RNF144A: variants seen among roughly 807,000 people sequenced by gnomAD.
The protein encoded by RNF144A is ring finger protein 144A, also known as E3 ubiquitin-protein ligase RNF144A.
A neutral mutation model predicts 38.7 loss-of-function variants in RNF144A; 11 were observed. The ratio of observed to expected loss-of-function variants is 0.28; its 90% confidence interval spans 0.18 to 0.47. The LOEUF (loss-of-function observed/expected upper bound fraction) is 0.47, where lower values mean the gene tolerates loss of function less well. Ranked by LOEUF, RNF144A falls within the 20% of genes least tolerant of loss-of-function variation. The pLI is 0.99. For synonymous variants in RNF144A, 149 were observed against 143.9 expected (o/e 1.04, Z -0.25); for missense variants, 316 against 377.2 (o/e 0.84, Z 1.34).
At chr2:6,980,104 C>A (rs1016465388) in intron 2 of RNF144A, among the ~76,000 whole-genome samples, 2 of 152,178 alleles carry the variant, frequency 1.3e-5, no homozygotes, top group Non-Finnish European at 2.9e-5. Context: ...GATCCAGTCA[C>A]CTCCTACTGG....
intron 3 of RNF144A, among the ~76,000 whole-genome samples, chr2:7,011,298 A>G (rs1249166833): frequency 6.6e-6 from 1 of 152,206 alleles, no homozygotes; most frequent in East Asian, 1.9e-4. Flanking sequence ...TCACTTACTA[A>G]CAATCCCTGA....
chr2:6,925,027 C>T (rs1300464789), intron 1 of RNF144A, among the ~76,000 whole-genome samples: 1 of 152,166 alleles, frequency 6.6e-6, no homozygotes, highest in Non-Finnish European at 1.5e-5. Context: ...AGTTTTCTGG[C>T]GACCTCGATT....
chr2:6,970,059 C>T (rs1667910065), intron 2 of RNF144A, among the ~76,000 whole-genome samples: 2 of 152,158 alleles, frequency 1.3e-5, no homozygotes, highest in African/African-American at 2.4e-5. Flanking sequence ...CGCGCCTGGC[C>T]AAATCTTTTA....
chr2:6,959,795 C>T (rs531435356), intron 2 of RNF144A, among the ~76,000 whole-genome samples: 1 of 152,200 alleles, frequency 6.6e-6, no homozygotes, highest in Non-Finnish European at 1.5e-5. Context: ...CACCACCCCC[C>T]CCATACTGTT....
intron 2 of RNF144A, among the ~76,000 whole-genome samples, chr2:6,967,551 A>G (rs1227174042): frequency 6.6e-6 from 1 of 152,186 alleles, no homozygotes; most frequent in Non-Finnish European, 1.5e-5. Flanking sequence ...GAGTTGGTAG[A>G]TCTCAGCTGC....
chr2:6,957,708 C>T (rs886468878), intron 2 of RNF144A, among the ~76,000 whole-genome samples: 20 of 152,346 alleles, frequency 1.3e-4, no homozygotes, highest in African/African-American at 4.8e-4. Context: ...TATGAGCCCT[C>T]TGGTTCTAGG....
chr2:7,033,581 C>A (rs1672466199), intron 8 of RNF144A, among the ~76,000 whole-genome samples: 1 of 152,222 alleles, frequency 6.6e-6, no homozygotes, highest in Non-Finnish European at 1.5e-5. Context: ...CTCTACTTCT[C>A]CTGTTCCTGC....
chr2:7,013,098 A>G (rs867932854), intron 3 of RNF144A, among the ~76,000 whole-genome samples: 31 of 152,210 alleles, frequency 2.0e-4, no homozygotes, highest in African/African-American at 6.0e-4. Flanking sequence ...TGAATGAAAT[A>G]TTCTATTTTG....
intron 1 of RNF144A, among the ~76,000 whole-genome samples, chr2:6,925,501 G>A (rs960680198): frequency 6.6e-6 from 1 of 152,102 alleles, no homozygotes; most frequent in Non-Finnish European, 1.5e-5. Flanking sequence ...GTTATCATGT[G>A]TAGGGGTGAA....
intron 5 of RNF144A, among the ~76,000 whole-genome samples, chr2:7,017,074 G>A (rs942309031): frequency 2.0e-5 from 3 of 152,294 alleles, no homozygotes; most frequent in African/African-American, 7.2e-5. Context: ...ATTCTTGAGC[G>A]AGGGGGTGTG....
chr2:7,064,429 G>A (rs1286737083), intron 6 of RNF144A, among the ~76,000 whole-genome samples: 1 of 152,266 alleles, frequency 6.6e-6, no homozygotes, highest in East Asian at 1.9e-4. Context: ...GAATAAGCAG[G>A]GGATATCTTG....
chr2:6,995,026 T>G (rs908062198), intron 2 of RNF144A, among the ~76,000 whole-genome samples: 1 of 152,156 alleles, frequency 6.6e-6, no homozygotes, highest in Non-Finnish European at 1.5e-5. Flanking sequence ...GGTGCTTCCT[T>G]CTGGGCCAGA....
In RNF144A at chr2:6,943,444, C is replaced by T. The variant is rs1666143444; in HGVS notation, c.-12+2297C>T. Among the ~76,000 whole-genome samples the T allele has an allele frequency of 6.6e-6, 1 of 152,304 alleles. No homozygotes were observed. Among genetic ancestry groups the T allele is most frequent in the East Asian group, 1.9e-4 (1 of 5,184 alleles). The stretch of plus-strand genomic sequence containing the variant: ...AGGGATTGTAGACAACTCAGTTGAG[C>T]TTTGCGGCAAAAGGGAGCAGAGTTT... On this transcript the variant is annotated intron_variant, in intron 2 of 8. Coordinates refer to ENST00000320892, the MANE Select transcript of RNF144A (RefSeq NM_014746.6). The surrounding 1 kb of genome is among the most constrained non-coding windows in gnomAD (Gnocchi z 4.3).
chr2:7,022,949 A>G (rs938470774), intron 6 of RNF144A, among the ~76,000 whole-genome samples: 2 of 152,238 alleles, frequency 1.3e-5, no homozygotes, highest in African/African-American at 4.8e-5. Flanking sequence ...ATCTTTCAGT[A>G]ACAGTTGTTA....
intron 3 of RNF144A, among the ~76,000 whole-genome samples, chr2:7,009,415 C>T (rs1670653668): frequency 6.6e-6 from 1 of 152,150 alleles, no homozygotes; most frequent in Non-Finnish European, 1.5e-5. Context: ...TGCCTGCCTC[C>T]TGCACACCAC....
Position 6,990,385 on chromosome 2 carries a change from T to TACACAC in RNF144A, c.-11-6485_-11-6480dup, listed in dbSNP as rs60196595. On this transcript the variant is annotated intron_variant, in intron 2 of 8. Coordinates refer to ENST00000320892, the MANE Select transcript of RNF144A (RefSeq NM_014746.6). ...TTCCTTCCTAAAGACTATATATATT[T>TACACAC]ACACACACACACACACACACACACA... 5.2e-3 allele frequency among the ~76,000 whole-genome samples: 645 copies of TACACAC among 123,838 alleles called. 7 individuals carry two copies. The highest frequency in any genetic ancestry group is 0.013 in the Middle Eastern group (3 of 224). 81.2% of individuals were successfully genotyped at this position (123,838 alleles called of 152,430 possible). A position where few individuals can be genotyped will look rare whatever the true frequency, so the allele number is the denominator to read the frequency against.
At chr2:6,949,062 A>G (rs80027966) in intron 2 of RNF144A, among the ~76,000 whole-genome samples, 3,020 of 152,144 alleles carry the variant, frequency 0.02, 96 homozygotes, top group African/African-American at 0.069. Context: ...GGTGCTTTTG[A>G]TTTCTCTTCT....
the RNF144A span, among the ~76,000 whole-genome samples, chr2:7,073,849 A>C: frequency 6.6e-6 from 1 of 152,242 alleles, no homozygotes; most frequent in East Asian, 1.9e-4. Context: ...CAGGCCCTCC[A>C]TCTGGTCTGT....
chr2:6,925,221 G>A (rs1664783330), intron 1 of RNF144A, among the ~76,000 whole-genome samples: 1 of 151,994 alleles, frequency 6.6e-6, no homozygotes, highest in Non-Finnish European at 1.5e-5. Context: ...GGTGTGGATG[G>A]GATGGGGCTG....
Sources: allele counts gnomAD v4.1 joint callset (sites outside exome capture counted in the v4.1 genomes callset), GRCh38; gene constraint gnomAD v4.1.1; non-coding constraint Gnocchi (gnomAD v3.1); transcripts MANE v1.5; gene names NCBI Gene and HGNC (gene_info 2026-07-23, HGNC 2026-07-21).